Variants in RAPGEF4 observed in about 807,000 individuals in gnomAD.
RAPGEF4 encodes the protein RAP guanine-nucleotide-exchange factor (GEF) 4.
A neutral mutation model predicts 147.9 loss-of-function variants in RAPGEF4; 66 were observed. The observed-to-expected ratio is 0.45, with a 90% CI of 0.37 to 0.55. The LOEUF (loss-of-function observed/expected upper bound fraction) is 0.55. RAPGEF4 is among the 20% of genes least tolerant of loss of function. The pLI, the probability that RAPGEF4 is intolerant of heterozygous loss-of-function variation, is 0.00. For missense variants in RAPGEF4, 1,071 were observed against 1,257.3 expected (o/e 0.85, Z 2.24); for synonymous variants, 419 against 442.7 (o/e 0.95, Z 0.67).
chr2:172,807,350 G>A (rs1317971005), intron 3 of RAPGEF4, among the ~76,000 whole-genome samples: 2 of 152,188 alleles, frequency 1.3e-5, no homozygotes, highest in Non-Finnish European at 2.9e-5. Context: ...ACCTTCCTGC[G>A]GCCGGCTTGC....
chr2:172,841,840 T>C (rs1027002324), intron 4 of RAPGEF4, among the ~76,000 whole-genome samples: 12 of 63,512 alleles, frequency 1.9e-4, no homozygotes, highest in African/African-American at 6.0e-4. Context: ...ACACACACAC[T>C]ACACACACAC....
intron 6 of RAPGEF4, among the ~76,000 whole-genome samples, chr2:172,937,037 CAAAAAAAAAAAA>C (rs34104170): frequency 1.1e-4 from 6 of 52,602 alleles, no homozygotes; most frequent in African/African-American, 4.8e-4. Flanking sequence ...CCTCTCTCTG[CAAAAAAAAAAAA>C]AAAAAAAAAA....
chr2:172,775,123 CT>C (rs1341024701), intron 1 of RAPGEF4, among the ~76,000 whole-genome samples: 2 of 152,166 alleles, frequency 1.3e-5, no homozygotes, highest in Non-Finnish European at 2.9e-5. Context: ...AGAGCTATAT[CT>C]TTGGCATGGG....
At chr2:172,970,178 CA>C (rs1248846212) in intron 10 of RAPGEF4, among the ~76,000 whole-genome samples, 10 of 132,952 alleles carry the variant, frequency 7.5e-5, no homozygotes, top group African/African-American at 2.6e-4. Flanking sequence ...TACACACACA[CA>C]CCCTTTTTTT....
intron 4 of RAPGEF4, among the ~76,000 whole-genome samples, chr2:172,887,735 T>G (rs1432332548): frequency 6.6e-6 from 1 of 152,102 alleles, no homozygotes; most frequent in Non-Finnish European, 1.5e-5. Flanking sequence ...CTTCTCACAG[T>G]TCCTCTGCTT....
chr2:172,784,344 C>G (rs1684978413), intron 1 of RAPGEF4, among the ~76,000 whole-genome samples: 1 of 151,998 alleles, frequency 6.6e-6, no homozygotes, highest in Non-Finnish European at 1.5e-5. Context: ...CATTGAAACC[C>G]CATCTCCACT....
At position 173,044,092 on chromosome 2, in the gene RAPGEF4, A is replaced by G. The variant is rs539815347; in HGVS notation, c.2854-4508A>G. 3.9e-5 allele frequency among the ~76,000 whole-genome samples: 6 copies of G among 152,294 alleles called. No individual in the cohort carries two copies. The East Asian group carries it at 1.2e-3, about 29-fold the overall frequency. On this transcript the variant is annotated intron_variant, in intron 29 of 30. Transcript: ENST00000397081. The stretch of plus-strand genomic sequence containing the variant: ...AGCAGCGCTGTCTTATAGGCAGGGT[A>G]GCACAGAGTAGCACTCACAGAGTGC...
intron 4 of RAPGEF4, among the ~76,000 whole-genome samples, chr2:172,900,454 G>T (rs982972136): frequency 2.6e-5 from 4 of 152,098 alleles, no homozygotes; most frequent in African/African-American, 9.7e-5. Context: ...GTCCAGGTGG[G>T]TCTCGAACTC....
intron 1 of RAPGEF4, among the ~76,000 whole-genome samples, chr2:172,737,363 C>T (rs184344093): frequency 2.6e-5 from 4 of 152,166 alleles, no homozygotes; most frequent in Non-Finnish European, 4.4e-5. Flanking sequence ...TAAGTATCTA[C>T]ATTTAATAGT....
intron 4 of RAPGEF4, among the ~76,000 whole-genome samples, chr2:172,908,146 G>C (rs1699796308): frequency 6.6e-6 from 1 of 152,222 alleles, no homozygotes; most frequent in South Asian, 2.1e-4. Flanking sequence ...ACCCTTTGTA[G>C]CTAGAAGTAG....
At chr2:173,003,360 C>A (rs771288797) in intron 17 of RAPGEF4, among the ~76,000 whole-genome samples, 1 of 152,160 alleles carries the variant, frequency 6.6e-6, no homozygotes, top group Non-Finnish European at 1.5e-5. Flanking sequence ...AATCTGACTT[C>A]TTTTGTCTGT....
At chr2:172,874,751 G>A (rs1326275200) in intron 4 of RAPGEF4, among the ~76,000 whole-genome samples, 4 of 152,096 alleles carry the variant, frequency 2.6e-5, no homozygotes, top group Admixed American at 2.0e-4. Flanking sequence ...ATAATCCTTC[G>A]GGTATATACC....
At chr2:173,008,796 A>G (rs562330540) in intron 17 of RAPGEF4, among the ~76,000 whole-genome samples, 1 of 152,362 alleles carries the variant, frequency 6.6e-6, no homozygotes, top group East Asian at 1.9e-4. Context: ...AAAAAAAAGT[A>G]CAGAAAAATT....
At chr2:172,856,016 A>C (rs561219635) in intron 4 of RAPGEF4, among the ~76,000 whole-genome samples, 14 of 152,166 alleles carry the variant, frequency 9.2e-5, no homozygotes, top group African/African-American at 3.4e-4. Flanking sequence ...TTTTTAACCA[A>C]ATTTTGGGAA....
rs1000717563 is a variant in RAPGEF4, at chr2:173,024,278, C to T, written c.2254-2294C>T. Reference sequence around the variant, plus strand: ...TGTCGCCCAGGCTGGAGTGCAGTGGCGGGATCTCGGCTCACTGCAAGCTCC... The same window carrying T: ...TGTCGCCCAGGCTGGAGTGCAGTGGTGGGATCTCGGCTCACTGCAAGCTCC... On this transcript the variant is annotated intron_variant, in intron 23 of 30. Coordinates refer to ENST00000397081, the MANE Select transcript of RAPGEF4 (RefSeq NM_007023.4). 2.6e-4 allele frequency among the ~76,000 whole-genome samples: 36 copies of T among 136,924 alleles called. 3 individuals carry two copies. The highest frequency in any genetic ancestry group is 4.6e-4 in the Non-Finnish European group (28 of 61,348). 89.8% of individuals were successfully genotyped at this position (136,924 alleles called of 152,430 possible). A position where few individuals can be genotyped will look rare whatever the true frequency, so the allele number is the denominator to read the frequency against.
intron 4 of RAPGEF4, among the ~76,000 whole-genome samples, chr2:172,846,519 C>T (rs934745310): frequency 6.6e-6 from 1 of 152,086 alleles, no homozygotes; most frequent in African/African-American, 2.4e-5. Context: ...TCTGTGAAGT[C>T]TAGGGGGTTG....
At chr2:172,875,142 T>C (rs1051226578) in intron 4 of RAPGEF4, among the ~76,000 whole-genome samples, 11 of 152,258 alleles carry the variant, frequency 7.2e-5, no homozygotes, top group Non-Finnish European at 1.5e-4. Context: ...AGATTCTGGA[T>C]ATTAGCCCTT....
chr2:172,889,833 G>A (rs756796966), intron 4 of RAPGEF4: 9 of 980,716 alleles, frequency 9.2e-6, no homozygotes, highest in Non-Finnish European at 1.1e-5. Context: ...GACCATATGT[G>A]GCTTCTCTTA....
At chr2:172,990,296 A>C (rs1046441032) in intron 14 of RAPGEF4, among the ~76,000 whole-genome samples, 1 of 152,254 alleles carries the variant, frequency 6.6e-6, no homozygotes, top group African/African-American at 2.4e-5. Flanking sequence ...ATTATCATTG[A>C]TGTAATTTAT....
Sources: allele counts gnomAD v4.1 joint callset (sites outside exome capture counted in the v4.1 genomes callset), GRCh38; gene constraint gnomAD v4.1.1; transcripts MANE v1.5; gene names NCBI Gene and HGNC (gene_info 2026-07-23, HGNC 2026-07-21).